The following WDR48 variants were observed in gnomAD, a reference collection of about 807,000 sequenced individuals.
WDR48 encodes WD repeat domain 48, also known as WD repeat-containing protein 48.
A neutral mutation model predicts 94.0 loss-of-function variants in WDR48; 22 were observed. The observed-to-expected ratio is 0.23, with a 90% CI of 0.17 to 0.33. The LOEUF is 0.33. WDR48 is among the 10% of genes least tolerant of loss of function. The pLI is 1.00. For missense variants in WDR48, 541 were observed against 813.8 expected, an observed-to-expected ratio of 0.66 and a Z score of 4.08; for synonymous variants, 278 against 280.5, an observed-to-expected ratio of 0.99 and a Z score of 0.09.
At chr3:39,057,104 TG>T (rs1315366189) in intron 1 of WDR48, among the ~76,000 whole-genome samples, 3 of 152,028 alleles carry the variant, frequency 2.0e-5, no homozygotes, top group Non-Finnish European at 2.9e-5. Context: ...AGGAAGGAAA[TG>T]TATTCATAAT....
Position 39,094,678 on chromosome 3 carries a change from G to T in WDR48, c.1969G>T (p.Val657Leu). The part of the protein sequence containing the change: ...VLDPNMDLRT[V>L]KHFIWKSGGD... ...GGATCCAAATATGGACCTTCGAACA[G>T]TGAAACACTTCATATGGAAGAGCGG... Residue 657 changes from valine (V) to leucine (L), a missense_variant, in exon 19 of 19, where the codon GTG becomes TTG. Transcript: ENST00000302313. 6.2e-7 allele frequency: 1 copy of T among 1,614,144 alleles called. No individual in the cohort carries two copies. The highest frequency in any genetic ancestry group is 8.5e-7 in the Non-Finnish European group (1 of 1,180,014).
intron 1 of WDR48, among the ~76,000 whole-genome samples, chr3:39,054,516 AT>A (rs963089030): frequency 6.6e-6 from 1 of 152,090 alleles, no homozygotes; most frequent in Non-Finnish European, 1.5e-5. Context: ...GACTTAACAT[AT>A]TTTTTTGCTA....
intron 14 of WDR48, 119 bp from the exon 15 acceptor site, chr3:39,088,009 G>A: frequency 1.2e-6 from 1 of 860,358 alleles, no homozygotes; most frequent in South Asian, 1.8e-5. Context: ...TAACTCTGGT[G>A]GACTTAGAGG....
chr3:39,054,494 G>A (rs966735874), intron 1 of WDR48, among the ~76,000 whole-genome samples: 59 of 152,230 alleles, frequency 3.9e-4, no homozygotes, highest in African/African-American at 8.0e-4. Context: ...ACCTCTTGCT[G>A]TTTGTGTACC....
chr3:39,066,953 A>G (rs1192831442), intron 5 of WDR48, 78 bp downstream of exon 5: 7 of 1,508,360 alleles, frequency 4.6e-6, no homozygotes, highest in Non-Finnish European at 6.3e-6. Context: ...AACATTTTTG[A>G]TAGGTTTGCA....
rs191221623 is a variant in WDR48, at chr3:39,075,508, C to G, written c.897+558C>G. ...GCTTCATACTCCAAACCACCACTGC[C>G]TCAGAGCAGCCCTAACCATCAGGAT... is the stretch of plus-strand genomic sequence containing the variant. On this transcript the variant is annotated intron_variant, in intron 8 of 18. Coordinates refer to ENST00000302313, the MANE Select transcript of WDR48 (RefSeq NM_020839.4). Among the ~76,000 whole-genome samples the G allele has an allele frequency of 4.9e-4, 75 of 152,212 alleles. 1 individual carries two copies. The highest frequency in any genetic ancestry group is 3.2e-4 in the Non-Finnish European group (22 of 68,006).
intron 8 of WDR48, among the ~76,000 whole-genome samples, chr3:39,075,268 T>C (rs1181146701): frequency 2.0e-5 from 3 of 150,674 alleles, no homozygotes; most frequent in African/African-American, 7.3e-5. Context: ...ACATCAGTGA[T>C]GCATGGCTCT....
chr3:39,079,959 T>A, intron 11 of WDR48, 151 bp downstream of exon 11: 1 of 461,484 alleles, frequency 2.2e-6, no homozygotes, highest in Non-Finnish European at 3.8e-6. Context: ...GAATATTAGA[T>A]AAGATCATAA....
intron 8 of WDR48, among the ~76,000 whole-genome samples, chr3:39,076,425 C>T (rs991121083): frequency 1.3e-5 from 2 of 152,106 alleles, no homozygotes; most frequent in Admixed American, 6.5e-5. Context: ...GATCTCTTGC[C>T]GGGATGTTGG....
chr3:39,071,318 C>G (rs1247522465), intron 7 of WDR48, among the ~76,000 whole-genome samples: 1 of 152,148 alleles, frequency 6.6e-6, no homozygotes, highest in African/African-American at 2.4e-5. Context: ...CCTTTGTGGC[C>G]TCATTTTCAC....
Position 39,084,219 on chromosome 3 carries a change from T to C in WDR48, c.1238T>C (p.Met413Thr). 1 of 1,612,794 alleles carries C rather than the reference T, an allele frequency of 6.2e-7. No individual in the cohort carries two copies. The highest frequency in any genetic ancestry group is 8.5e-7 in the Non-Finnish European group (1 of 1,179,212). The change falls in exon 12 of 19, where the codon ATG becomes ACG. Residue 413 changes from methionine to threonine, a missense_variant. This residue lies in a region of WDR48 where 238 missense variants were observed against 285.3 expected (regional missense o/e 0.83). Coordinates refer to ENST00000302313, the MANE Select transcript of WDR48 (RefSeq NM_020839.4). ...GATGAAATTAAGAAAAGATTTAAAA[T>C]GGTGTATGTGCCAAATTGGTTCTCA... Reference protein sequence around the residue: ...FEDEIKKRFKMVYVPNWFSVD... With the variant: ...FEDEIKKRFKTVYVPNWFSVD...
intron 1 of WDR48, among the ~76,000 whole-genome samples, chr3:39,057,153 T>C (rs748406676): frequency 1.6e-4 from 24 of 152,166 alleles, no homozygotes; most frequent in Non-Finnish European, 3.5e-4. Context: ...CACAACAATA[T>C]AGCACGGATT....
intron 1 of WDR48, among the ~76,000 whole-genome samples, chr3:39,060,831 G>GTGGC (rs1240461542): frequency 2.0e-5 from 3 of 152,180 alleles, no homozygotes; most frequent in Admixed American, 1.3e-4. Context: ...GCTGGGCACA[G>GTGGC]TGGCATATGC....
chr3:39,079,852 ACC>A (rs2034427757), intron 11 of WDR48, 44 bp downstream of exon 11: 1 of 1,171,028 alleles, frequency 8.5e-7, no homozygotes, highest in South Asian at 1.7e-5. Context: ...TAGATTGTAT[ACC>A]CCCTTTATTT....
chr3:39,078,205 A>C lies in WDR48; in HGVS notation c.1041A>C (p.Thr347=). 1 of 1,613,180 alleles carries C rather than the reference A, an allele frequency of 6.2e-7. No homozygotes were observed. Among genetic ancestry groups the C allele is most frequent in the Non-Finnish European group, 8.5e-7 (1 of 1,179,524 alleles). The change falls in exon 10 of 19, where the codon ACA becomes ACC. Residue 347 remains threonine, a synonymous_variant. Transcript: ENST00000302313. The part of the protein sequence containing the change: ...DYDNDCTNPI[T]PLCTQPDQVI... Reference sequence around the variant, plus strand: ...ACAATGACTGTACAAATCCTATAACACCTCTTTGTACACAACCTGACCAGG... The same window carrying C: ...ACAATGACTGTACAAATCCTATAACCCCTCTTTGTACACAACCTGACCAGG...
At chr3:39,077,809 G>A (rs1476792097) in intron 9 of WDR48, among the ~76,000 whole-genome samples, 1 of 152,072 alleles carries the variant, frequency 6.6e-6, no homozygotes, top group Non-Finnish European at 1.5e-5. Flanking sequence ...TGCAGGTCAA[G>A]TGTTCTTTCT....
At chr3:39,093,808 A>G in intron 17 of WDR48, 66 bp from the exon 18 acceptor site, 1 of 1,370,862 alleles carries the variant, frequency 7.3e-7, no homozygotes, top group South Asian at 1.9e-5. Context: ...TCAAAGAAAA[A>G]TAATATGGAA....
chr3:39,054,396 C>G (rs1430726031), intron 1 of WDR48, among the ~76,000 whole-genome samples: 1 of 152,170 alleles, frequency 6.6e-6, no homozygotes, highest in Non-Finnish European at 1.5e-5. Flanking sequence ...TAGCATCTCC[C>G]CAGTTGTGAC....
intron 14 of WDR48, 199 bp from the exon 15 acceptor site, chr3:39,087,929 C>T: frequency 1.8e-6 from 1 of 546,460 alleles, no homozygotes; most frequent in Non-Finnish European, 3.3e-6. Context: ...GTCATTTTTT[C>T]CATGAAATAG....
Sources: gnomAD v4.1 joint callset for allele counts (sites outside exome capture counted in the v4.1 genomes callset) on GRCh38, gnomAD v4.1.1 for gene constraint, gnomAD v4.1.1 regional missense constraint, MANE v1.5 for transcripts, NCBI Gene and HGNC (gene_info 2026-07-23, HGNC 2026-07-21) for gene names.